ATRNL1: variants seen among roughly 807,000 people sequenced by gnomAD.
The protein encoded by ATRNL1 is attractin like 1.
Under a neutral mutation model 182.7 loss-of-function variants are expected in ATRNL1, and 95 were observed. The ratio of observed to expected loss-of-function variants is 0.52; its 90% confidence interval spans 0.44 to 0.62. ATRNL1 has a LOEUF of 0.62. Ranked by LOEUF, ATRNL1 falls within the 20% of genes least tolerant of loss-of-function variation. The pLI is 0.00. For synonymous variants in ATRNL1, 576 were observed against 568.3 expected, an observed-to-expected ratio of 1.01 and a Z score of -0.19; for missense variants, 1,471 against 1,679.5, an observed-to-expected ratio of 0.88 and a Z score of 2.17.
chr10:115,807,112 T>A (rs1366187818), intron 27 of ATRNL1, among the ~76,000 whole-genome samples: 2 of 152,052 alleles, frequency 1.3e-5, no homozygotes, highest in African/African-American at 4.8e-5. Context: ...GTACTTTTTT[T>A]TTTTTTTTTC....
intron 8 of ATRNL1, among the ~76,000 whole-genome samples, chr10:115,177,256 G>T (rs1255565669): frequency 1.3e-5 from 2 of 152,132 alleles, no homozygotes; most frequent in African/African-American, 4.8e-5. Context: ...TTTCTGTGTA[G>T]TGATGGGGTG....
intron 25 of ATRNL1, among the ~76,000 whole-genome samples, chr10:115,533,959 G>A (rs1296187710): frequency 1.4e-5 from 2 of 146,448 alleles, no homozygotes; most frequent in African/African-American, 5.0e-5. Flanking sequence ...TTGCACTGTG[G>A]TCTGAGAGAC....
In ATRNL1 at chr10:115,532,208, C is replaced by A. The variant is rs1165743122; in HGVS notation, c.3716+12884C>A. Among the ~76,000 whole-genome samples the A allele has an allele frequency of 8.5e-5, 13 of 152,148 alleles. No individual in the cohort carries two copies. In the South Asian group the frequency reaches 1.7e-3, roughly 19 times the overall value. On this transcript the variant is annotated intron_variant, in intron 25 of 28. Transcript: ENST00000355044. The stretch of plus-strand genomic sequence containing the variant: ...GATGGGGATGTCATTGAATCTATAA[C>A]TTACCTTGGGCAGTATGGCCATTTT...
At chr10:115,696,635 G>A (rs1372926648) in intron 26 of ATRNL1, among the ~76,000 whole-genome samples, 2 of 152,106 alleles carry the variant, frequency 1.3e-5, no homozygotes, top group East Asian at 3.9e-4. Flanking sequence ...CCAACAGTGT[G>A]TAAGCATTCC....
intron 5 of ATRNL1, among the ~76,000 whole-genome samples, chr10:115,132,541 C>G (rs1180954969): frequency 4.0e-5 from 6 of 151,492 alleles, no homozygotes; most frequent in African/African-American, 1.5e-4. Context: ...GTTTACAGTC[C>G]CACCAACAGT....
chr10:115,820,049 G>A (rs369423232), intron 27 of ATRNL1: 5 of 152,104 alleles, frequency 3.3e-5, no homozygotes, highest in South Asian at 2.1e-4. Context: ...TGTGAAAATG[G>A]CCTCCAAAAT....
chr10:115,212,430 A>G (rs1274618978), intron 8 of ATRNL1, among the ~76,000 whole-genome samples: 2 of 151,932 alleles, frequency 1.3e-5, no homozygotes, highest in Non-Finnish European at 2.9e-5. Context: ...ATTGTGGAAG[A>G]CACTGTGGTA....
intron 28 of ATRNL1, among the ~76,000 whole-genome samples, chr10:115,863,079 A>G (rs1951352045): frequency 6.6e-6 from 1 of 152,214 alleles, no homozygotes; most frequent in African/African-American, 2.4e-5. Context: ...CCTACAGGAA[A>G]TAAAGCGAAA....
chr10:115,166,373 A>G (rs1311015667), intron 7 of ATRNL1, among the ~76,000 whole-genome samples: 1 of 152,024 alleles, frequency 6.6e-6, no homozygotes, highest in African/African-American at 2.4e-5. Flanking sequence ...ACATGTGTGT[A>G]CAACTATCTG....
At chr10:115,627,879 T>C (rs578112602) in intron 26 of ATRNL1, among the ~76,000 whole-genome samples, 1 of 152,254 alleles carries the variant, frequency 6.6e-6, no homozygotes, top group South Asian at 2.1e-4. Flanking sequence ...ACCACCAAAA[T>C]GTTTTCCACA....
intron 24 of ATRNL1, among the ~76,000 whole-genome samples, chr10:115,494,251 T>A (rs1367146584): frequency 6.6e-6 from 1 of 152,178 alleles, no homozygotes; most frequent in Non-Finnish European, 1.5e-5. Context: ...CTATGAGGTT[T>A]TCTACATATA....
chr10:115,104,501 T>TCAC (rs1171714336), intron 1 of ATRNL1, among the ~76,000 whole-genome samples: 2 of 152,288 alleles, frequency 1.3e-5, no homozygotes, highest in Admixed American at 6.5e-5. Context: ...GATCGTCTCT[T>TCAC]CATGTTGTTG....
At chr10:115,364,848 C>A (rs1554945411) in intron 19 of ATRNL1, among the ~76,000 whole-genome samples, 3 of 150,354 alleles carry the variant, frequency 2.0e-5, no homozygotes, top group Non-Finnish European at 4.5e-5. Context: ...ATTGAACCAG[C>A]CTTGCATCCC....
intron 26 of ATRNL1, among the ~76,000 whole-genome samples, chr10:115,686,567 C>A (rs1441166767): frequency 1.3e-5 from 2 of 151,984 alleles, no homozygotes; most frequent in African/African-American, 4.8e-5. Flanking sequence ...ATCTTTTCAT[C>A]ACTATTACTT....
chr10:115,790,346 C>T (rs974758262), intron 27 of ATRNL1, among the ~76,000 whole-genome samples: 1 of 152,080 alleles, frequency 6.6e-6, no homozygotes, highest in Admixed American at 6.6e-5. Context: ...GTTTCTGTTC[C>T]CCAGAACTGC....
chr10:115,745,886 T>G (rs2960646), intron 27 of ATRNL1, among the ~76,000 whole-genome samples: 144,450 of 152,008 alleles, frequency 0.95, 69,045 homozygotes, highest in East Asian at 1. Flanking sequence ...TGTAATGAAA[T>G]ACTAGGGGTG....
chr10:115,229,281 A>G (rs1849827749), intron 9 of ATRNL1, among the ~76,000 whole-genome samples: 1 of 151,968 alleles, frequency 6.6e-6, no homozygotes. Context: ...AATATTAAAA[A>G]CTATGTTATG....
chr10:115,682,879 A>T (rs569425668), intron 26 of ATRNL1, among the ~76,000 whole-genome samples: 1 of 152,272 alleles, frequency 6.6e-6, no homozygotes, highest in Non-Finnish European at 1.5e-5. Flanking sequence ...ATTAGGAAAG[A>T]GATTAAAGGC....
intron 27 of ATRNL1, among the ~76,000 whole-genome samples, chr10:115,799,810 G>T (rs978485613): frequency 6.6e-6 from 1 of 152,124 alleles, no homozygotes; most frequent in Middle Eastern, 3.2e-3. Flanking sequence ...CAGTTTTGTT[G>T]TATCATTTTC....
Sources: gnomAD v4.1 joint callset for allele counts (sites outside exome capture counted in the v4.1 genomes callset) on GRCh38, gnomAD v4.1.1 for gene constraint, MANE v1.5 for transcripts, NCBI Gene and HGNC (gene_info 2026-07-23, HGNC 2026-07-21) for gene names.